The following PDZRN3 variants were observed in gnomAD, a reference collection of about 807,000 sequenced individuals.
PDZRN3 encodes the protein PDZ domain containing ring finger 3.
In PDZRN3, 38 loss-of-function variants were observed where a neutral mutation model predicts 85.7. That is an observed-to-expected ratio of 0.44 (90% CI 0.34 to 0.58). PDZRN3 has a LOEUF of 0.58. Among genes scored for constraint, PDZRN3 ranks in the 20% least tolerant of loss-of-function variants. The pLI, the probability that PDZRN3 is intolerant of heterozygous loss-of-function variation, is 0.01. For missense variants in PDZRN3, 1,629 were observed against 1,506.4 expected, an observed-to-expected ratio of 1.08 and a Z score of -1.35; for synonymous variants, 759 against 638.0, an observed-to-expected ratio of 1.19 and a Z score of -2.86.
At position 73,608,779 on chromosome 3, in the gene PDZRN3, G is replaced by A. The variant is rs1252291026; in HGVS notation, c.724-95C>T. ...TCTAAGTGTACTCAAGGACTACTCAGCTAATCATTACAAATCCTGTTATCT... is the reference window on the plus strand; with the variant it reads ...TCTAAGTGTACTCAAGGACTACTCAACTAATCATTACAAATCCTGTTATCT... On this transcript the variant is annotated intron_variant, in intron 1 of 9. Coordinates refer to ENST00000263666, the MANE Select transcript of PDZRN3 (RefSeq NM_015009.3). 8 of 733,308 alleles carry A rather than the reference G, an allele frequency of 1.1e-5. No homozygotes were observed. In the African/African-American group the frequency reaches 1.4e-4, roughly 13 times the overall value. 45.4% of individuals were successfully genotyped at this position (733,308 alleles called of 1,614,324 possible). A position where few individuals can be genotyped will look rare whatever the true frequency, so the allele number is the denominator to read the frequency against.
intron 8 of PDZRN3, among the ~76,000 whole-genome samples, chr3:73,386,636 C>T (rs1701395998): frequency 1.3e-5 from 2 of 152,348 alleles, no homozygotes; most frequent in East Asian, 3.9e-4. Flanking sequence ...AGAACACAGC[C>T]ATGCTCATTC....
intron 7 of PDZRN3, 82 bp downstream of exon 7, chr3:73,389,734 T>G (rs1289255650): frequency 3.6e-5 from 37 of 1,017,772 alleles, no homozygotes; most frequent in Non-Finnish European, 5.6e-5. Context: ...TTCTGCATTT[T>G]CAACCCTAGA....
At chr3:73,488,201 TG>T (rs1703700526) in intron 3 of PDZRN3, among the ~76,000 whole-genome samples, 1 of 152,198 alleles carries the variant, frequency 6.6e-6, no homozygotes, top group Admixed American at 6.5e-5. Flanking sequence ...AAGGTTTCCT[TG>T]GGATTAAAGC....
chr3:73,624,126 C>A lies in PDZRN3; in HGVS notation c.700G>T (p.Val234Leu). 6.8e-7 allele frequency: 1 copy of A among 1,473,120 alleles called. No individual in the cohort carries two copies. The highest frequency in any genetic ancestry group is 8.9e-7 in the Non-Finnish European group (1 of 1,119,240). The allele number at this position is 1,473,120 out of a possible 1,614,324, so 91.3% of individuals were successfully genotyped here. The change falls in exon 1 of 10, where the codon GTG (valine) becomes TTG (leucine). Residue 234 changes from valine (V) to leucine (L), a missense_variant. By Grantham distance (32) the Val-to-Leu change is conservative. Transcript: ENST00000263666. ...ACCTTGCCGCCGGGCGGCGCGGCCA[C>A]GCAGCGGCTGAGCGAGTCGAGGCGC... is the stretch of plus-strand genomic sequence containing the variant. The part of the protein sequence containing the change: ...SARLDSLSRC[V>L]AAPPGGKGEE...
intron 8 of PDZRN3, among the ~76,000 whole-genome samples, chr3:73,386,782 A>C (rs1701400180): frequency 6.6e-6 from 1 of 152,188 alleles, no homozygotes; most frequent in South Asian, 2.1e-4. Flanking sequence ...GGGTGAGATG[A>C]TTGCTGAAGT....
At chr3:73,442,106 A>C (rs1205495535) in intron 3 of PDZRN3, among the ~76,000 whole-genome samples, 1 of 152,180 alleles carries the variant, frequency 6.6e-6, no homozygotes, top group Non-Finnish European at 1.5e-5. Flanking sequence ...GATCTGGGCC[A>C]GGCTCCCAGC....
At chr3:73,566,144 G>T (rs76475615) in intron 3 of PDZRN3, among the ~76,000 whole-genome samples, 8 of 152,084 alleles carry the variant, frequency 5.3e-5, no homozygotes, top group African/African-American at 1.7e-4. Flanking sequence ...TTAAATTTTT[G>T]TTGTAAGAGA....
At chr3:73,456,298 G>C (rs938084522) in intron 3 of PDZRN3, among the ~76,000 whole-genome samples, 1 of 152,136 alleles carries the variant, frequency 6.6e-6, no homozygotes, top group African/African-American at 2.4e-5. Context: ...AACTTTCCTA[G>C]AGTTGGCAAA....
At chr3:73,489,297 G>A (rs1225928387) in intron 3 of PDZRN3, among the ~76,000 whole-genome samples, 1 of 152,134 alleles carries the variant, frequency 6.6e-6, no homozygotes, top group Non-Finnish European at 1.5e-5. Context: ...TATCTTTAAT[G>A]GTACCTTTTC....
At chr3:73,467,023 C>T (rs1311828535) in intron 3 of PDZRN3, among the ~76,000 whole-genome samples, 4 of 152,134 alleles carry the variant, frequency 2.6e-5, no homozygotes, top group African/African-American at 9.7e-5. Flanking sequence ...TGCTAAGATA[C>T]CCCCAGTTTA....
chr3:73,429,384 C>G lies in PDZRN3; in HGVS notation c.919-24989G>C, dbSNP rs188558751. On this transcript the variant is annotated intron_variant, in intron 3 of 9. Coordinates refer to ENST00000263666, the MANE Select transcript of PDZRN3 (RefSeq NM_015009.3). ...GTGTGGAGGTCAAGTTTATGTTCATCCAATTAACCGTCATTAATTGGGTCC... is the reference window on the plus strand; with the variant it reads ...GTGTGGAGGTCAAGTTTATGTTCATGCAATTAACCGTCATTAATTGGGTCC... 1.9e-3 allele frequency among the ~76,000 whole-genome samples: 285 copies of G among 152,326 alleles called. 2 individuals are homozygous for G. The highest frequency in any genetic ancestry group is 6.7e-3 in the African/African-American group (280 of 41,582).
In PDZRN3 at chr3:73,448,412, G is replaced by T. The variant is rs571068330; in HGVS notation, c.919-44017C>A. Among the ~76,000 whole-genome samples, 10 of 152,198 alleles carry T rather than the reference G, an allele frequency of 6.6e-5. No individual in the cohort carries two copies. The South Asian group carries it at 2.1e-3, about 32-fold the overall frequency. On this transcript the variant is annotated intron_variant, in intron 3 of 9. Transcript: ENST00000263666. ...CATTTTCACTTTTAATGTTTGCTAG[G>T]GATGATGCTGAACCCTAGTTCCATC...
intron 3 of PDZRN3, among the ~76,000 whole-genome samples, chr3:73,565,058 A>G (rs562356138): frequency 2.6e-4 from 39 of 151,914 alleles, no homozygotes; most frequent in Admixed American, 1.9e-3. Context: ...GCATAGCACT[A>G]TGTAATACTG....
Position 73,603,886 on chromosome 3 carries a change from T to TACACACAC in PDZRN3, c.811-1433_811-1426dup, listed in dbSNP as rs370554640. Among the ~76,000 whole-genome samples, 414 of 145,038 alleles carry TACACACAC rather than the reference T, an allele frequency of 2.9e-3. 2 individuals carry two copies. The highest frequency in any genetic ancestry group is 0.014 in the Middle Eastern group (4 of 276). On this transcript the variant is annotated intron_variant, in intron 2 of 9. Coordinates refer to ENST00000263666, the MANE Select transcript of PDZRN3 (RefSeq NM_015009.3). Reference sequence around the variant, plus strand: ...ACTTCCCCAAACACACACACACACATACACACACACACACACACACACAGA... The same window carrying TACACACAC: ...ACTTCCCCAAACACACACACACACATACACACACACACACACACACACACACACACAGA...
At chr3:73,490,511 G>A (rs1032520746) in intron 3 of PDZRN3, among the ~76,000 whole-genome samples, 5 of 152,160 alleles carry the variant, frequency 3.3e-5, no homozygotes, top group African/African-American at 9.7e-5. Context: ...TCTACATCAC[G>A]GCAAATGTGG....
At chr3:73,581,859 G>A (rs1196539688) in intron 3 of PDZRN3, among the ~76,000 whole-genome samples, 1 of 151,384 alleles carries the variant, frequency 6.6e-6, no homozygotes, top group Non-Finnish European at 1.5e-5. Context: ...AGCACTTTGG[G>A]AGTCCAGGGC....
At chr3:73,514,876 A>G (rs1422273821) in intron 3 of PDZRN3, among the ~76,000 whole-genome samples, 1 of 152,226 alleles carries the variant, frequency 6.6e-6, no homozygotes, top group Non-Finnish European at 1.5e-5. Flanking sequence ...TTTAGCACTT[A>G]ACAATTCTGT....
chr3:73,537,474 A>C lies in PDZRN3; in HGVS notation c.918+64880T>G, dbSNP rs570329555. Among the ~76,000 whole-genome samples, 5 of 152,326 alleles carry C rather than the reference A, an allele frequency of 3.3e-5. 1 individual carries two copies. The East Asian group carries it at 7.7e-4, about 23-fold the overall frequency. On this transcript the variant is annotated intron_variant, in intron 3 of 9. Coordinates refer to ENST00000263666, the MANE Select transcript of PDZRN3 (RefSeq NM_015009.3). The stretch of plus-strand genomic sequence containing the variant: ...TTAAACCTGTGACACTAATCAGTCT[A>C]ATATTTGGAAATGTGTTGATATTTG...
At position 73,523,352 on chromosome 3, in the gene PDZRN3, G is replaced by T. The variant is rs992030239; in HGVS notation, c.918+79002C>A. On this transcript the variant is annotated intron_variant, in intron 3 of 9. Transcript: ENST00000263666. ...AAAAGGAAGAGATATTTGAAAGAGAGAAACAATTCTCATTATTTAGAGATT... is the reference window on the plus strand; with the variant it reads ...AAAAGGAAGAGATATTTGAAAGAGATAAACAATTCTCATTATTTAGAGATT... 3.3e-5 allele frequency among the ~76,000 whole-genome samples: 5 copies of T among 152,120 alleles called. 1 individual carries two copies. The highest frequency in any genetic ancestry group is 6.3e-3 in the Middle Eastern group (2 of 316).
Sources: gnomAD v4.1 joint callset for allele counts (sites outside exome capture counted in the v4.1 genomes callset) on GRCh38, gnomAD v4.1.1 for gene constraint, MANE v1.5 for transcripts, NCBI Gene and HGNC (gene_info 2026-07-23, HGNC 2026-07-21) for gene names.